The following GRIK1 variants were observed in gnomAD, a reference collection of about 807,000 sequenced individuals.
GRIK1 encodes glutamate ionotropic receptor kainate type subunit 1.
A neutral mutation model predicts 105.7 loss-of-function variants in GRIK1; 69 were observed. The ratio of observed to expected loss-of-function variants is 0.65; its 90% CI spans 0.54 to 0.80. GRIK1 has a LOEUF of 0.80. Among genes scored for constraint, GRIK1 ranks in the 30% least tolerant of loss-of-function variants. The pLI, the probability that GRIK1 is intolerant of heterozygous loss-of-function variation, is 0.00. For synonymous variants in GRIK1, 438 were observed against 431.3 expected (o/e 1.02, Z -0.19); for missense variants, 1,109 against 1,167.3 (o/e 0.95, Z 0.73).
intron 1 of GRIK1, among the ~76,000 whole-genome samples, chr21:29,816,767 A>T (rs943481744): frequency 2.0e-5 from 3 of 152,130 alleles, no homozygotes; most frequent in Non-Finnish European, 4.4e-5. Context: ...AGAGAGTAGA[A>T]TGAGAGTTAC....
chr21:29,828,036 G>C (rs1218010306), intron 1 of GRIK1, among the ~76,000 whole-genome samples: 1 of 138,506 alleles, frequency 7.2e-6, no homozygotes, highest in Non-Finnish European at 1.6e-5. Context: ...TGTGTGTGTG[G>C]GTGTGTGTCT....
chr21:29,875,566 C>A (rs541461941), intron 1 of GRIK1, among the ~76,000 whole-genome samples: 1 of 152,130 alleles, frequency 6.6e-6, no homozygotes, highest in African/African-American at 2.4e-5. Flanking sequence ...GAGGGAAGCA[C>A]CTGGAAACAA....
At chr21:29,539,551 T>C (rs2089936446) in intron 16 of GRIK1, among the ~76,000 whole-genome samples, 1 of 152,232 alleles carries the variant, frequency 6.6e-6, no homozygotes, top group Non-Finnish European at 1.5e-5. Flanking sequence ...CATGTCTGTA[T>C]ATCATGAATG....
intron 1 of GRIK1, among the ~76,000 whole-genome samples, chr21:29,916,167 G>A (rs1453667585): frequency 6.7e-6 from 1 of 149,736 alleles, no homozygotes; most frequent in Non-Finnish European, 1.5e-5. Context: ...TACACAGAAT[G>A]CTTGAAACTG....
At chr21:29,626,999 A>G (rs1774047433) in intron 7 of GRIK1, among the ~76,000 whole-genome samples, 1 of 152,198 alleles carries the variant, frequency 6.6e-6, no homozygotes, top group South Asian at 2.1e-4. Flanking sequence ...AAGGGTAAAA[A>G]ATTTGAGTTA....
chr21:29,660,666 GT>G (rs1233340014), intron 4 of GRIK1, among the ~76,000 whole-genome samples: 1 of 152,170 alleles, frequency 6.6e-6, no homozygotes, highest in Admixed American at 6.5e-5. Flanking sequence ...TATTTATATG[GT>G]TTTTTATTAC....
At chr21:29,841,140 A>C (rs1022940110) in intron 1 of GRIK1, among the ~76,000 whole-genome samples, 5 of 152,194 alleles carry the variant, frequency 3.3e-5, no homozygotes, top group Middle Eastern at 3.2e-3. Flanking sequence ...TATAGTGTAC[A>C]CACACACTAC....
intron 7 of GRIK1, among the ~76,000 whole-genome samples, chr21:29,638,555 C>T (rs1160862395): frequency 6.6e-6 from 1 of 152,168 alleles, no homozygotes; most frequent in Non-Finnish European, 1.5e-5. Flanking sequence ...AAACAAAAGG[C>T]TACTTTGTGA....
At chr21:29,632,607 C>A (rs1202115377) in intron 7 of GRIK1, among the ~76,000 whole-genome samples, 5 of 151,972 alleles carry the variant, frequency 3.3e-5, no homozygotes, top group Non-Finnish European at 4.4e-5. Flanking sequence ...AAATGATATT[C>A]ATCTAAGTAA....
intron 6 of GRIK1, among the ~76,000 whole-genome samples, chr21:29,650,711 C>G (rs906689212): frequency 6.6e-6 from 1 of 152,236 alleles, no homozygotes; most frequent in African/African-American, 2.4e-5. Flanking sequence ...TTTTTCCACA[C>G]TGGCTTTGCT....
At chr21:29,629,540 G>A (rs1214394173) in intron 7 of GRIK1, among the ~76,000 whole-genome samples, 1 of 151,482 alleles carries the variant, frequency 6.6e-6, no homozygotes, top group Non-Finnish European at 1.5e-5. Context: ...ACCCAGGCTG[G>A]AGTGCAGTGG....
chr21:29,671,203 A>G (rs1414118680), intron 4 of GRIK1, among the ~76,000 whole-genome samples: 2 of 151,796 alleles, frequency 1.3e-5, no homozygotes, highest in East Asian at 3.9e-4. Context: ...GCTCGCTGCA[A>G]CCTCCACCTC....
intron 1 of GRIK1, among the ~76,000 whole-genome samples, chr21:29,815,234 T>C (rs545779468): frequency 6.6e-6 from 1 of 152,316 alleles, no homozygotes; most frequent in South Asian, 2.1e-4. Context: ...CTGAGACTCA[T>C]GGAAGCTCTG....
chr21:29,799,643 C>T (rs139328785), intron 1 of GRIK1, among the ~76,000 whole-genome samples: 5 of 152,324 alleles, frequency 3.3e-5, no homozygotes, highest in African/African-American at 9.6e-5. Context: ...GATTCTCTTG[C>T]GTTAACCTCC....
chr21:29,733,949 A>T (rs2064703545), intron 1 of GRIK1, among the ~76,000 whole-genome samples: 1 of 152,048 alleles, frequency 6.6e-6, no homozygotes, highest in Admixed American at 6.6e-5. Flanking sequence ...TTACTATTAT[A>T]TTTACTATGT....
At chr21:29,889,221 G>A (rs1002886252) in intron 1 of GRIK1, among the ~76,000 whole-genome samples, 2 of 151,962 alleles carry the variant, frequency 1.3e-5, no homozygotes, top group Admixed American at 6.6e-5. Flanking sequence ...AATAAAAATG[G>A]GAAAGTTAGA....
chr21:29,651,986 T>A (rs1239778380), intron 5 of GRIK1, among the ~76,000 whole-genome samples: 1 of 152,178 alleles, frequency 6.6e-6, no homozygotes, highest in Non-Finnish European at 1.5e-5. Flanking sequence ...TTCATCTGTT[T>A]TATTTTTGCA....
At chr21:29,687,945 T>C (rs1052437446) in intron 3 of GRIK1, among the ~76,000 whole-genome samples, 1 of 152,206 alleles carries the variant, frequency 6.6e-6, no homozygotes, top group Non-Finnish European at 1.5e-5. Flanking sequence ...ACTACAGAGT[T>C]CACAACATAA....
At position 29,592,027 on chromosome 21, in the gene GRIK1, G is replaced by A. The variant is rs549671861; in HGVS notation, c.1252-802C>T. Among the ~76,000 whole-genome samples, 5 of 152,122 alleles carry A rather than the reference G, an allele frequency of 3.3e-5. No individual in the cohort carries two copies. The South Asian group carries it at 1.0e-3, about 32-fold the overall frequency. On this transcript the variant is annotated intron_variant, in intron 9 of 17. Coordinates refer to ENST00000327783, the MANE Select transcript of GRIK1 (RefSeq NM_001330994.2). ...GATTGCACCACTGCACTTCAGCCTG[G>A]GTGACAGAGCGAGACACTGAAAAAA...
Sources: gnomAD v4.1 joint callset for allele counts (sites outside exome capture counted in the v4.1 genomes callset) on GRCh38, gnomAD v4.1.1 for gene constraint, MANE v1.5 for transcripts, NCBI Gene and HGNC (gene_info 2026-07-23, HGNC 2026-07-21) for gene names.